SS18L1: variants seen among roughly 807,000 people sequenced by gnomAD.
SS18L1 encodes the protein calcium-responsive transactivator.
In SS18L1, 32 loss-of-function variants were observed where a neutral mutation model predicts 70.3. That is an observed-to-expected ratio of 0.46 (90% CI 0.34 to 0.61). The LOEUF (loss-of-function observed/expected upper bound fraction) is 0.61, where lower values mean the gene tolerates loss of function less well. SS18L1 is among the 20% of genes least tolerant of loss of function. The pLI, the probability that SS18L1 is intolerant of heterozygous loss-of-function variation, is 0.01. For synonymous variants in SS18L1, 237 were observed against 229.7 expected (o/e 1.03, Z -0.29); for missense variants, 430 against 542.1 (o/e 0.79, Z 2.05).
At position 62,172,751 on chromosome 20, in the gene SS18L1, A is replaced by G; in HGVS notation, c.986A>G (p.Gln329Arg). The G allele has an allele frequency of 6.2e-7, 1 of 1,614,036 alleles. No individual in the cohort carries two copies. Among genetic ancestry groups the G allele is most frequent in the Non-Finnish European group, 8.5e-7 (1 of 1,180,002 alleles). ...GCCGCGCAGCAGCAGACGTACTCCCAGCAGCAGTACCCCAGCCAGCAGAGC... is the reference window on the plus strand; with the variant it reads ...GCCGCGCAGCAGCAGACGTACTCCCGGCAGCAGTACCCCAGCCAGCAGAGC... ...QGAAQQQTYSQQQYPSQQSYP... is the reference protein window; with the variant it reads ...QGAAQQQTYSRQQYPSQQSYP... The change falls in exon 9 of 11, where the codon CAG (glutamine) becomes CGG (arginine). Residue 329 changes from glutamine (Q) to arginine (R), a missense_variant. By Grantham distance (43) the Gln-to-Arg change is conservative. Coordinates refer to ENST00000331758, the MANE Select transcript of SS18L1 (RefSeq NM_198935.3).
intron 9 of SS18L1, among the ~76,000 whole-genome samples, chr20:62,173,632 C>T (rs1191184814): frequency 1.3e-5 from 2 of 151,318 alleles, no homozygotes; most frequent in African/African-American, 2.4e-5. Context: ...TTGCTTGAAC[C>T]AGGAGGTAGA....
In SS18L1 at chr20:62,179,730, G is replaced by GGGGGGGGGGGCCCCCC; in HGVS notation, c.*522_*523insGGGGGGGGGGCCCCCC. 1 of 96,714 alleles carries GGGGGGGGGGGCCCCCC rather than the reference G, an allele frequency of 1.0e-5. No individual in the cohort carries two copies. Among genetic ancestry groups the GGGGGGGGGGGCCCCCC allele is most frequent in the Non-Finnish European group, 2.0e-5 (1 of 48,822 alleles). 6.0% of individuals were successfully genotyped at this position (96,714 alleles called of 1,614,324 possible). A position where few individuals can be genotyped will look rare whatever the true frequency, so the allele number is the denominator to read the frequency against. On this transcript the variant is annotated 3_prime_UTR_variant, in exon 11 of 11. Coordinates refer to ENST00000331758, the MANE Select transcript of SS18L1 (RefSeq NM_198935.3). ...GTGCCTCGATGGGGTGGGTGGGAGG[G>GGGGGGGGGGGCCCCCC]CATCTTCTGTGCGTTGGGTCAGTTT...
intron 3 of SS18L1, among the ~76,000 whole-genome samples, chr20:62,160,355 G>T (rs1391474169): frequency 1.0e-5 from 1 of 96,194 alleles, no homozygotes; most frequent in Non-Finnish European, 2.0e-5. Flanking sequence ...GGTGGAGAGA[G>T]GTGGGATGGG....
At chr20:62,150,838 C>T (rs894461308) in intron 1 of SS18L1, among the ~76,000 whole-genome samples, 1 of 150,024 alleles carries the variant, frequency 6.7e-6, no homozygotes, top group Non-Finnish European at 1.5e-5. Flanking sequence ...GCAGCGGGAG[C>T]GAAACGTTAT....
rs1231847835 is a variant in SS18L1, at chr20:62,161,323, G to A, written c.232-113G>A. The A allele has an allele frequency of 6.9e-6, 10 of 1,444,040 alleles. No individual in the cohort carries two copies. The highest frequency in any genetic ancestry group is 9.7e-6 in the Non-Finnish European group (10 of 1,033,304). 89.5% of individuals were successfully genotyped at this position (1,444,040 alleles called of 1,614,324 possible). A position where few individuals can be genotyped will look rare whatever the true frequency, so the allele number is the denominator to read the frequency against. ...TGCTGATTACGAACATTGACCAGGTGGCCATGATGTGTGGCGGCAAATCTC... is the reference window on the plus strand; with the variant it reads ...TGCTGATTACGAACATTGACCAGGTAGCCATGATGTGTGGCGGCAAATCTC... On this transcript the variant is annotated intron_variant, in intron 3 of 10. Transcript: ENST00000331758. This position sits in a 1 kb window ranked among gnomAD's most constrained non-coding sequence, Gnocchi z 4.4.
intron 10 of SS18L1, chr20:62,175,346 G>GC: frequency 2.0e-6 from 2 of 985,406 alleles, no homozygotes; most frequent in Non-Finnish European, 2.4e-6. Context: ...AGCAGACATC[G>GC]CTTTCCCTCT....
At position 62,181,668 on chromosome 20, in the gene SS18L1, T is replaced by G; in HGVS notation, c.*2460T>G. 4.6e-6 allele frequency: 1 copy of G among 217,000 alleles called. No homozygotes were observed. The highest frequency in any genetic ancestry group is 9.3e-6 in the Non-Finnish European group (1 of 107,640). The allele number at this position is 217,000 out of a possible 1,614,324, so 13.4% of individuals were successfully genotyped here. A position where few individuals can be genotyped will look rare whatever the true frequency, so the allele number is the denominator to read the frequency against. On this transcript the variant is annotated 3_prime_UTR_variant, in exon 11 of 11. Coordinates refer to ENST00000331758, the MANE Select transcript of SS18L1 (RefSeq NM_198935.3). ...ATACATGATTTTTGGTGTTAATATATTTAATGATTAATAACAGAATGTTTA... is the reference window on the plus strand; with the variant it reads ...ATACATGATTTTTGGTGTTAATATAGTTAATGATTAATAACAGAATGTTTA...
In SS18L1 at chr20:62,181,469, TTTTGTGTG is replaced by T. The variant is rs1486073619; in HGVS notation, c.*2273_*2280del. 1.4e-5 allele frequency: 3 copies of T among 211,672 alleles called. No homozygotes were observed. Among genetic ancestry groups the T allele is most frequent in the Non-Finnish European group, 2.9e-5 (3 of 104,378 alleles). The allele number at this position is 211,672 out of a possible 1,614,324, so 13.1% of individuals were successfully genotyped here. A position where few individuals can be genotyped will look rare whatever the true frequency, so the allele number is the denominator to read the frequency against. ...CCTTGCCAATCTGGGAATATGCCTTTTTTGTGTGTTTGTGTGTTTTTTTAAGTGCTGTA... is the reference window on the plus strand; with the variant it reads ...CCTTGCCAATCTGGGAATATGCCTTTTTTGTGTGTTTTTTTAAGTGCTGTA... On this transcript the variant is annotated 3_prime_UTR_variant, in exon 11 of 11. Transcript: ENST00000331758.
intron 10 of SS18L1, among the ~76,000 whole-genome samples, chr20:62,177,088 G>A (rs1185057403): frequency 6.6e-6 from 1 of 152,180 alleles, no homozygotes; most frequent in Non-Finnish European, 1.5e-5. Flanking sequence ...TGCCCCAGGG[G>A]CAAAACTGTC....
At chr20:62,163,771 G>A in intron 6 of SS18L1, 149 bp downstream of exon 6, 1 of 1,186,728 alleles carries the variant, frequency 8.4e-7, no homozygotes, top group African/African-American at 1.5e-5. Context: ...TTAACATTGA[G>A]TGTGGACCCT....
intron 1 of SS18L1, among the ~76,000 whole-genome samples, chr20:62,155,471 G>A (rs1485514664): frequency 6.6e-6 from 1 of 152,172 alleles, no homozygotes; most frequent in East Asian, 1.9e-4. Context: ...TTGGATTTTG[G>A]CCTCTGTGGC....
intron 8 of SS18L1, among the ~76,000 whole-genome samples, chr20:62,165,953 C>T (rs986816080): frequency 2.0e-5 from 3 of 152,258 alleles, no homozygotes; most frequent in African/African-American, 7.2e-5. Flanking sequence ...CCTCGCGTTT[C>T]TTCAGACACC....
chr20:62,144,236 C>T (rs1214261353), intron 1 of SS18L1, among the ~76,000 whole-genome samples: 1 of 151,658 alleles, frequency 6.6e-6, no homozygotes, highest in Non-Finnish European at 1.5e-5. Flanking sequence ...TGGGAACTGT[C>T]CTGGGCTATG....
intron 1 of SS18L1, among the ~76,000 whole-genome samples, chr20:62,157,912 G>C (rs150645615): frequency 3.3e-3 from 500 of 151,922 alleles, no homozygotes; most frequent in Admixed American, 5.2e-3. Flanking sequence ...CGGTGGTGCC[G>C]TCCCTGACCC....
At chr20:62,164,344 T>C (rs528564321) in intron 7 of SS18L1, 98 bp downstream of exon 7, 1 of 1,217,324 alleles carries the variant, frequency 8.2e-7, no homozygotes, top group East Asian at 2.6e-5. Flanking sequence ...CACTGCAGTG[T>C]GTCCTCAGTC....
rs58275873 is a variant in SS18L1, at chr20:62,174,536, G to A, written c.1056G>A (p.Pro352=). 7.3e-3 allele frequency: 11,799 copies of A among 1,614,040 alleles called. 52 individuals are homozygous for A. The highest frequency in any genetic ancestry group is 8.2e-3 in the Non-Finnish European group (9,646 of 1,180,026). The change falls in exon 10 of 11, where the codon CCG becomes CCA. Residue 352 remains proline, a synonymous_variant. Transcript: ENST00000331758. The surrounding 1 kb of genome is among the most constrained non-coding windows in gnomAD (Gnocchi z 4.1). ...TCTCAGGGTCTGCCCAGGGAGCCCCGTCACAGTACCCCGGCTACCAGCAAG... is the reference window on the plus strand; with the variant it reads ...TCTCAGGGTCTGCCCAGGGAGCCCCATCACAGTACCCCGGCTACCAGCAAG... The part of the protein sequence containing the change: ...QQGYGSAQGA[P]SQYPGYQQGQ...
At chr20:62,147,411 G>T (rs1037270296) in intron 1 of SS18L1, among the ~76,000 whole-genome samples, 1 of 152,190 alleles carries the variant, frequency 6.6e-6, no homozygotes, top group South Asian at 2.1e-4. Context: ...GTGTTCTGTT[G>T]TCCAGTGCGT....
chr20:62,177,167 A>G (rs989213255), intron 10 of SS18L1, among the ~76,000 whole-genome samples: 2 of 152,184 alleles, frequency 1.3e-5, no homozygotes, highest in African/African-American at 4.8e-5. Flanking sequence ...GCTCACGCCT[A>G]TAGCACTTTG....
chr20:62,152,271 A>G (rs1364464742), intron 1 of SS18L1, among the ~76,000 whole-genome samples: 1 of 152,000 alleles, frequency 6.6e-6, no homozygotes, highest in Admixed American at 6.5e-5. Flanking sequence ...GCACCTCCTC[A>G]CTGTCGCCTC....
Sources: gnomAD v4.1 joint callset for allele counts (sites outside exome capture counted in the v4.1 genomes callset) on GRCh38, gnomAD v4.1.1 for gene constraint, Gnocchi (gnomAD v3.1) non-coding constraint, MANE v1.5 for transcripts, NCBI Gene and HGNC (gene_info 2026-07-23, HGNC 2026-07-21) for gene names.